The following RAPGEF4 variants were observed in gnomAD, a reference collection of about 807,000 sequenced individuals.
RAPGEF4 encodes the protein Rap guanine nucleotide exchange factor 4, also known as RAP guanine-nucleotide-exchange factor (GEF) 4.
A neutral mutation model predicts 147.9 loss-of-function variants in RAPGEF4; 66 were observed. The ratio of observed to expected loss-of-function variants is 0.45; its 90% CI spans 0.37 to 0.55. The LOEUF (loss-of-function observed/expected upper bound fraction) is 0.55. Among genes scored for constraint, RAPGEF4 ranks in the 20% least tolerant of loss-of-function variants. The pLI is 0.00. For missense variants in RAPGEF4, 1,071 were observed against 1,257.3 expected (o/e 0.85, Z 2.24); for synonymous variants, 419 against 442.7 (o/e 0.95, Z 0.67).
At chr2:172,956,881 G>A (rs952677726) in intron 6 of RAPGEF4, among the ~76,000 whole-genome samples, 4 of 152,216 alleles carry the variant, frequency 2.6e-5, no homozygotes, top group Non-Finnish European at 5.9e-5. Context: ...ATCAGATCAA[G>A]TCTGATACCT....
chr2:172,825,035 T>A (rs1689511371), intron 4 of RAPGEF4, among the ~76,000 whole-genome samples: 1 of 152,254 alleles, frequency 6.6e-6, no homozygotes, highest in Non-Finnish European at 1.5e-5. Flanking sequence ...TGAGCATGCC[T>A]ATTGCTTCTG....
intron 1 of RAPGEF4, among the ~76,000 whole-genome samples, chr2:172,790,077 C>T (rs1490470000): frequency 6.6e-6 from 1 of 152,120 alleles, no homozygotes; most frequent in Non-Finnish European, 1.5e-5. Context: ...AGATACTGAC[C>T]AACAGTGTGC....
intron 3 of RAPGEF4, among the ~76,000 whole-genome samples, chr2:172,804,158 G>T (rs1017268745): frequency 1.3e-5 from 2 of 152,126 alleles, no homozygotes; most frequent in African/African-American, 4.8e-5. Context: ...GCATATGGTG[G>T]TAGAAAGATA....
At chr2:172,796,965 C>T (rs114540665) in intron 2 of RAPGEF4, among the ~76,000 whole-genome samples, 28 of 152,212 alleles carry the variant, frequency 1.8e-4, no homozygotes, top group East Asian at 9.7e-4. Flanking sequence ...TATCTAAATA[C>T]CTAAATATTT....
At chr2:172,948,981 A>G (rs1028004845) in intron 6 of RAPGEF4, among the ~76,000 whole-genome samples, 2 of 152,204 alleles carry the variant, frequency 1.3e-5, no homozygotes, top group African/African-American at 2.4e-5. Flanking sequence ...AAATTAATAT[A>G]TCTTCTGTCC....
At chr2:173,036,052 G>A in intron 27 of RAPGEF4, 73 bp from the exon 28 acceptor site, 1 of 1,103,152 alleles carries the variant, frequency 9.1e-7, no homozygotes, top group Non-Finnish European at 1.4e-6. Context: ...GTGAAAGGCA[G>A]GTGTATTAGG....
chr2:172,835,101 G>A (rs993802362), intron 4 of RAPGEF4, among the ~76,000 whole-genome samples: 1 of 152,154 alleles, frequency 6.6e-6, no homozygotes, highest in Admixed American at 6.5e-5. Flanking sequence ...TCTTTCCTCT[G>A]CTCCTGGTGC....
At chr2:172,830,593 A>G (rs940923190) in intron 4 of RAPGEF4, among the ~76,000 whole-genome samples, 1 of 148,860 alleles carries the variant, frequency 6.7e-6, no homozygotes, top group Non-Finnish European at 1.5e-5. Context: ...CAAAACAAGA[A>G]TCCTGTTTGT....
chr2:172,951,299 T>C (rs1027836912), intron 6 of RAPGEF4, among the ~76,000 whole-genome samples: 2 of 152,206 alleles, frequency 1.3e-5, no homozygotes, highest in Non-Finnish European at 2.9e-5. Flanking sequence ...AACACATAAG[T>C]TACTCTCAGT....
chr2:173,026,539 G>C (rs745624050), intron 23 of RAPGEF4, 33 bp from the exon 24 acceptor site: 1 of 1,604,468 alleles, frequency 6.2e-7, no homozygotes, highest in Non-Finnish European at 8.5e-7. Context: ...TCTGTGTTGA[G>C]TTTCTGATAT....
At chr2:173,043,390 C>T (rs1316141078) in intron 29 of RAPGEF4, among the ~76,000 whole-genome samples, 1 of 152,142 alleles carries the variant, frequency 6.6e-6, no homozygotes, top group Non-Finnish European at 1.5e-5. Flanking sequence ...TGAGGAGCCG[C>T]TTCCTGAGGG....
At chr2:172,881,168 C>A (rs546136181) in intron 4 of RAPGEF4, among the ~76,000 whole-genome samples, 73 of 152,282 alleles carry the variant, frequency 4.8e-4, no homozygotes, top group Non-Finnish European at 9.1e-4. Context: ...TTTTTGAGTT[C>A]TTCTGCCTTA....
At chr2:172,969,683 C>T (rs548407870) in intron 10 of RAPGEF4, among the ~76,000 whole-genome samples, 98 of 152,164 alleles carry the variant, frequency 6.4e-4, no homozygotes, top group Non-Finnish European at 1.4e-3. Flanking sequence ...GGAGAGGAAT[C>T]CCCAAATTAG....
Position 172,876,410 on chromosome 2 carries a change from T to C in RAPGEF4, c.445-41392T>C, listed in dbSNP as rs182792664. ...TTGTCATAAATAGCTCTTATTTTTT[T>C]GAGATATGTCCCATCAATACCTAAT... On this transcript the variant is annotated intron_variant, in intron 4 of 30. Coordinates refer to ENST00000397081, the MANE Select transcript of RAPGEF4 (RefSeq NM_007023.4). Among the ~76,000 whole-genome samples, 373 of 152,336 alleles carry C rather than the reference T, an allele frequency of 2.4e-3. 1 individual carries two copies. Among genetic ancestry groups the C allele is most frequent in the African/African-American group, 8.3e-3 (345 of 41,560 alleles).
chr2:172,775,177 C>T (rs910088710), intron 1 of RAPGEF4, among the ~76,000 whole-genome samples: 3 of 152,186 alleles, frequency 2.0e-5, no homozygotes, highest in African/African-American at 7.2e-5. Flanking sequence ...CCATACATGA[C>T]TATAACAAGA....
intron 1 of RAPGEF4, among the ~76,000 whole-genome samples, chr2:172,767,390 G>A (rs1232594784): frequency 6.6e-6 from 1 of 152,056 alleles, no homozygotes; most frequent in African/African-American, 2.4e-5. Flanking sequence ...TGTTGGTCAG[G>A]CTGGTCTCGA....
Position 172,988,976 on chromosome 2 carries a change from A to G in RAPGEF4, c.1374+137A>G, listed in dbSNP as rs2105720474. On this transcript the variant is annotated intron_variant, in intron 14 of 30. Transcript: ENST00000397081. The stretch of plus-strand genomic sequence containing the variant: ...TAGGCACAAAGGGCCTTTGTTACAA[A>G]CCGGTTATATTTAATGTGTTGGTAT... 6 of 966,954 alleles carry G rather than the reference A, an allele frequency of 6.2e-6. No homozygotes were observed. In the South Asian group the frequency reaches 8.4e-5, roughly 14 times the overall value. 59.9% of individuals were successfully genotyped at this position (966,954 alleles called of 1,614,324 possible).
chr2:172,774,579 A>G (rs1683974207), intron 1 of RAPGEF4, among the ~76,000 whole-genome samples: 2 of 152,198 alleles, frequency 1.3e-5, no homozygotes, highest in Admixed American at 1.3e-4. Context: ...ATCAGCTAAA[A>G]TGGTGTGGAA....
rs371341398 is a variant in RAPGEF4, at chr2:172,988,041, T to C, written c.1151-155T>C. On this transcript the variant is annotated intron_variant, in intron 12 of 30. Transcript: ENST00000397081. ...TTGTATTCTATAGAAAAGGAGATAA[T>C]GTGCCACCTGAACAAGTTAATATTT... Among the ~76,000 whole-genome samples the C allele has an allele frequency of 6.6e-5, 10 of 152,358 alleles. No homozygotes were observed. The East Asian group carries it at 1.9e-3, about 29-fold the overall frequency.
Sources: allele counts gnomAD v4.1 joint callset (sites outside exome capture counted in the v4.1 genomes callset), GRCh38; gene constraint gnomAD v4.1.1; transcripts MANE v1.5; gene names NCBI Gene and HGNC (gene_info 2026-07-23, HGNC 2026-07-21).